XIRP2: variants seen among roughly 807,000 people sequenced by gnomAD.
XIRP2 encodes the protein xin actin-binding repeat-containing protein 2.
XIRP2 carries 236 observed loss-of-function variants against 277.0 expected under a neutral mutation model. That is an observed-to-expected ratio of 0.85 (90% CI 0.77 to 0.95). The LOEUF (loss-of-function observed/expected upper bound fraction) is 0.95. Ranked by LOEUF, XIRP2 falls within the 40% of genes least tolerant of loss-of-function variation. The probability of loss-of-function intolerance (pLI) is 0.00; values close to 1 mark genes in which losing one functional copy is unlikely to be tolerated. For synonymous variants in XIRP2, 1,490 were observed against 1,416.5 expected, an observed-to-expected ratio of 1.05 and a Z score of -1.17; for missense variants, 4,640 against 4,157.5, an observed-to-expected ratio of 1.12 and a Z score of -3.19.
At chr2:167,183,123 A>G (rs1693061187) in intron 3 of XIRP2, among the ~76,000 whole-genome samples, 1 of 152,202 alleles carries the variant, frequency 6.6e-6, no homozygotes, top group Admixed American at 6.5e-5. Flanking sequence ...AACTTAACCT[A>G]AGAGGGAAGT....
Position 167,241,135 on chromosome 2 carries a change from A to G in XIRP2, c.1042+399A>G, listed in dbSNP as rs188943067. ...AAGTCTGGCTCTCCAACCTGTAGAT[A>G]TGAGATTAGACTACAGCCAAATTTC... On this transcript the variant is annotated intron_variant, in intron 7 of 10. Transcript: ENST00000409195. 3.3e-3 allele frequency among the ~76,000 whole-genome samples: 496 copies of G among 152,210 alleles called. 22 individuals carry two copies. In the East Asian group the frequency reaches 0.068, roughly 21 times the overall value.
rs1050398981 is a variant in XIRP2, at chr2:167,086,235, G to A, written c.409-49674G>A. ...TTGGCTGGATATGAAATTCTGGGTT[G>A]AAAATTCTTTTCTTTAAGAATGTTG... On this transcript the variant is annotated intron_variant, in intron 2 of 10. Coordinates refer to ENST00000409195, the MANE Select transcript of XIRP2 (RefSeq NM_152381.6). 8.5e-5 allele frequency among the ~76,000 whole-genome samples: 13 copies of A among 152,210 alleles called. 1 individual carries two copies. Among genetic ancestry groups the A allele is most frequent in the Admixed American group, 8.5e-4 (13 of 15,294 alleles).
intron 3 of XIRP2, chr2:167,187,203 A>G (rs1210370217): frequency 2.1e-6 from 2 of 971,860 alleles, no homozygotes; most frequent in African/African-American, 3.5e-5. Context: ...AGAGCCATGC[A>G]TACATTACTG....
chr2:166,915,026 G>A (rs755443031), intron 2 of XIRP2, among the ~76,000 whole-genome samples: 11 of 151,746 alleles, frequency 7.2e-5, no homozygotes, highest in Admixed American at 3.3e-4. Context: ...GTCTGGGAGC[G>A]GTGGCTCACA....
At chr2:167,157,040 A>G (rs1009527782) in intron 3 of XIRP2, among the ~76,000 whole-genome samples, 10 of 151,968 alleles carry the variant, frequency 6.6e-5, no homozygotes, top group African/African-American at 2.4e-4. Flanking sequence ...TCCAATTCCC[A>G]CTACAAAGTA....
chr2:167,213,546 C>A (rs1694120352), intron 4 of XIRP2, among the ~76,000 whole-genome samples: 1 of 152,168 alleles, frequency 6.6e-6, no homozygotes, highest in Non-Finnish European at 1.5e-5. Context: ...AGATTCCAAA[C>A]CTTATTGCTG....
At chr2:167,028,949 A>G (rs557306130) in intron 2 of XIRP2, among the ~76,000 whole-genome samples, 58 of 151,966 alleles carry the variant, frequency 3.8e-4, no homozygotes, top group Admixed American at 2.1e-3. Context: ...GAGTCTCTCA[A>G]CAGCAGAATT....
chr2:167,067,851 G>A (rs7566137), intron 2 of XIRP2, among the ~76,000 whole-genome samples: 5,044 of 152,188 alleles, frequency 0.033, 143 homozygotes, highest in African/African-American at 0.077. Flanking sequence ...ATGTCTTGGA[G>A]TGTTTTTCCT....
chr2:167,050,969 G>A (rs993886519), intron 2 of XIRP2, among the ~76,000 whole-genome samples: 11 of 151,878 alleles, frequency 7.2e-5, no homozygotes, highest in African/African-American at 1.9e-4. Context: ...TATACACAAA[G>A]CTTTTACCTG....
chr2:167,098,385 T>A (rs1008082035), intron 2 of XIRP2, among the ~76,000 whole-genome samples: 7 of 152,220 alleles, frequency 4.6e-5, no homozygotes, highest in African/African-American at 1.4e-4. Flanking sequence ...GTTCTGTGTT[T>A]TTCAGCTCCA....
rs748455683 is a variant in XIRP2, at chr2:167,258,069, G to A, written c.*252G>A. 1 of 1,613,010 alleles carries A rather than the reference G, an allele frequency of 6.2e-7. No homozygotes were observed. The highest frequency in any genetic ancestry group is 1.1e-5 in the South Asian group (1 of 91,014). ...ATTGCAGAAAACACCCTTGTACCTG[G>A]AGATCGTAATGAACATTTAGATGCT... On this transcript the variant is annotated 3_prime_UTR_variant, in exon 11 of 11. Coordinates refer to ENST00000409195, the MANE Select transcript of XIRP2 (RefSeq NM_152381.6).
intron 2 of XIRP2, among the ~76,000 whole-genome samples, chr2:166,997,036 G>T (rs1687240371): frequency 6.6e-6 from 1 of 152,120 alleles, no homozygotes; most frequent in Admixed American, 6.5e-5. Flanking sequence ...AAATGAATAA[G>T]TTTTCTTTGT....
chr2:167,248,990 C>A lies in XIRP2; in HGVS notation c.7598C>A (p.Pro2533Gln), dbSNP rs2105444938. 6.2e-7 allele frequency: 1 copy of A among 1,612,806 alleles called. No homozygotes were observed. The highest frequency in any genetic ancestry group is 2.2e-5 in the East Asian group (1 of 44,830). ...SFPESSGQQNPKPYMRKFKTP... is the reference protein window; with the variant it reads ...SFPESSGQQNQKPYMRKFKTP... ...CCAGAGAGTTCAGGACAACAAAATC[C>A]AAAACCTTATATGAGAAAATTTAAG... The change falls in exon 9 of 11, where the codon CCA (proline) becomes CAA (glutamine). Residue 2533 changes from proline (P) to glutamine (Q), a missense_variant. Coordinates refer to ENST00000409195, the MANE Select transcript of XIRP2 (RefSeq NM_152381.6).
intron 3 of XIRP2, among the ~76,000 whole-genome samples, chr2:167,137,213 G>T (rs1407080616): frequency 6.6e-6 from 1 of 152,202 alleles, no homozygotes; most frequent in Non-Finnish European, 1.5e-5. Flanking sequence ...GTCAAGGGGA[G>T]TTTGCTAATG....
chr2:166,931,236 T>C (rs972761471), intron 2 of XIRP2, among the ~76,000 whole-genome samples: 1 of 152,204 alleles, frequency 6.6e-6, no homozygotes. Flanking sequence ...GAAACAGACA[T>C]GAATGTTTAA....
chr2:167,171,832 C>A lies in XIRP2; in HGVS notation c.562+35770C>A, dbSNP rs376970960. Among the ~76,000 whole-genome samples, 8 of 152,270 alleles carry A rather than the reference C, an allele frequency of 5.3e-5. No individual in the cohort carries two copies. In the South Asian group the frequency reaches 1.7e-3, roughly 32 times the overall value. ...CATTTTATATCCTACACACTCTTAA[C>A]CTCAAAGTCTACTTTTTCTGACATC... On this transcript the variant is annotated intron_variant, in intron 3 of 10. Coordinates refer to ENST00000409195, the MANE Select transcript of XIRP2 (RefSeq NM_152381.6).
At chr2:167,127,018 C>A (rs966700211) in intron 2 of XIRP2, among the ~76,000 whole-genome samples, 2 of 152,082 alleles carry the variant, frequency 1.3e-5, no homozygotes, top group African/African-American at 2.4e-5. Context: ...CCATCTCTTT[C>A]TCTTCATTAT....
At chr2:167,128,761 G>A (rs1353834443) in intron 2 of XIRP2, among the ~76,000 whole-genome samples, 1 of 151,992 alleles carries the variant, frequency 6.6e-6, no homozygotes, top group Admixed American at 6.6e-5. Context: ...GTAGTGTCCA[G>A]GACACCTACA....
chr2:167,253,685 G>GTA (rs947375728), intron 9 of XIRP2, among the ~76,000 whole-genome samples: 10 of 151,230 alleles, frequency 6.6e-5, no homozygotes, highest in South Asian at 2.1e-4. Flanking sequence ...TATTTTATAT[G>GTA]TATATATATA....
Sources: allele counts gnomAD v4.1 joint callset (sites outside exome capture counted in the v4.1 genomes callset), GRCh38; gene constraint gnomAD v4.1.1; transcripts MANE v1.5; gene names NCBI Gene and HGNC (gene_info 2026-07-23, HGNC 2026-07-21).